The following RYR2 variants were observed in gnomAD, a reference collection of about 807,000 sequenced individuals.
RYR2 encodes cardiac muscle ryanodine receptor-calcium release channel.
A neutral mutation model predicts 601.1 loss-of-function variants in RYR2; 227 were observed. That is an observed-to-expected ratio of 0.38 (90% confidence interval 0.34 to 0.42). The LOEUF (loss-of-function observed/expected upper bound fraction) is 0.42, where lower values mean the gene tolerates loss of function less well. Ranked by LOEUF, RYR2 falls within the 10% of genes least tolerant of loss-of-function variation. RYR2 has a pLI of 1.00. For missense variants in RYR2, 4,646 were observed against 6,156.5 expected, an observed-to-expected ratio of 0.75 and a Z score of 8.21; for synonymous variants, 2,223 against 2,175.1, an observed-to-expected ratio of 1.02 and a Z score of -0.61.
chr1:237,203,494 G>A (rs1223144294), intron 1 of RYR2, among the ~76,000 whole-genome samples: 1 of 152,064 alleles, frequency 6.6e-6, no homozygotes, highest in East Asian at 1.9e-4. Context: ...CAAACTAAAT[G>A]AAATCTTTAA....
chr1:237,550,109 T>G (rs916387893), intron 26 of RYR2, among the ~76,000 whole-genome samples: 2 of 152,172 alleles, frequency 1.3e-5, no homozygotes, highest in South Asian at 2.1e-4. Context: ...CACGCTGGAA[T>G]TTTTTGAAGA....
intron 48 of RYR2, among the ~76,000 whole-genome samples, chr1:237,646,964 C>T (rs1682227627): frequency 6.6e-6 from 1 of 152,168 alleles, no homozygotes; most frequent in Non-Finnish European, 1.5e-5. Context: ...TCATTAGAAA[C>T]AATGTCTGCT....
At chr1:237,785,606 G>A (rs1048754506) in intron 90 of RYR2, among the ~76,000 whole-genome samples, 1 of 152,202 alleles carries the variant, frequency 6.6e-6, no homozygotes, top group Non-Finnish European at 1.5e-5. Flanking sequence ...TTGAGAAAAT[G>A]GCAATGCCGC....
At chr1:237,632,991 T>C (rs1051348046) in intron 42 of RYR2, among the ~76,000 whole-genome samples, 6 of 152,092 alleles carry the variant, frequency 3.9e-5, no homozygotes, top group African/African-American at 1.4e-4. Flanking sequence ...ATATTTGGTC[T>C]CAAGGAAGAT....
intron 1 of RYR2, among the ~76,000 whole-genome samples, chr1:237,263,784 C>A (rs952198675): frequency 1.3e-5 from 2 of 152,070 alleles, no homozygotes; most frequent in African/African-American, 4.8e-5. Flanking sequence ...TTCCTGTGAG[C>A]CAGCATTCTT....
At chr1:237,660,409 C>T (rs1233823731) in intron 55 of RYR2, among the ~76,000 whole-genome samples, 1 of 151,884 alleles carries the variant, frequency 6.6e-6, no homozygotes, top group Non-Finnish European at 1.5e-5. Flanking sequence ...TAATAATGTG[C>T]TTATTATGTA....
rs759873736 is a variant in RYR2, at chr1:237,377,451, AG to A, written c.576+18del. ...AAGGTACTTGGTAAGTGTGGAAAGT[AG>A]GATCATGTATCTGCTGATATGCTAA... On this transcript the variant is annotated intron_variant, in intron 8 of 104. Coordinates refer to ENST00000366574, the MANE Select transcript of RYR2 (RefSeq NM_001035.3). 7 of 1,567,058 alleles carry A rather than the reference AG, an allele frequency of 4.5e-6. No homozygotes were observed. Among genetic ancestry groups the A allele is most frequent in the Admixed American group, 3.3e-5 (2 of 59,818 alleles).
chr1:237,414,035 A>G (rs1704694842), intron 10 of RYR2, among the ~76,000 whole-genome samples: 1 of 152,040 alleles, frequency 6.6e-6, no homozygotes, highest in South Asian at 2.1e-4. Context: ...ATTTGTTTCT[A>G]ATTTTTTTGT....
chr1:237,434,625 TG>T (rs1359387316), intron 12 of RYR2, among the ~76,000 whole-genome samples: 1 of 152,186 alleles, frequency 6.6e-6, no homozygotes, highest in East Asian at 1.9e-4. Context: ...TAGCTTAAAA[TG>T]CCACTGAAAC....
At position 237,522,399 on chromosome 1, in the gene RYR2, C is replaced by T. The variant is rs147327332; in HGVS notation, c.2823-8028C>T. On this transcript the variant is annotated intron_variant, in intron 24 of 104. Transcript: ENST00000366574. ...GAGCTGTCCTAGGCCGCATGTAGCC[C>T]GCAGGCTGCGTGTTGGACAAGCTTG... Among the ~76,000 whole-genome samples the T allele has an allele frequency of 9.8e-5, 15 of 152,324 alleles. No homozygotes were observed. The East Asian group carries it at 2.7e-3, about 27-fold the overall frequency.
chr1:237,545,768 A>T (rs902546627), intron 25 of RYR2, among the ~76,000 whole-genome samples: 2 of 150,668 alleles, frequency 1.3e-5, no homozygotes, highest in Admixed American at 1.3e-4. Context: ...AAAAAAAAAA[A>T]TACTTTCCAG....
chr1:237,269,973 C>T (rs567376067), intron 1 of RYR2, among the ~76,000 whole-genome samples: 1 of 152,294 alleles, frequency 6.6e-6, no homozygotes, highest in East Asian at 1.9e-4. Flanking sequence ...CTGATATGAT[C>T]AAGCAACTAA....
At position 237,506,701 on chromosome 1, in the gene RYR2, A is replaced by G; in HGVS notation, c.2614-9A>G. On this transcript the variant is annotated splice_polypyrimidine_tract_variant and intron_variant, in intron 22 of 104. Coordinates refer to ENST00000366574, the MANE Select transcript of RYR2 (RefSeq NM_001035.3). Reference sequence around the variant, plus strand: ...TCTGATGTGTCTTTTTTCTTTTTGTAAATTTTAGATCGTGTTGCCTCCTCA... The same window carrying G: ...TCTGATGTGTCTTTTTTCTTTTTGTGAATTTTAGATCGTGTTGCCTCCTCA... 1 of 1,599,350 alleles carries G rather than the reference A, an allele frequency of 6.3e-7. No homozygotes were observed. The highest frequency in any genetic ancestry group is 8.5e-7 in the Non-Finnish European group (1 of 1,172,690).
intron 1 of RYR2, among the ~76,000 whole-genome samples, chr1:237,045,178 A>G (rs1397144184): frequency 1.3e-5 from 2 of 152,146 alleles, no homozygotes; most frequent in Admixed American, 6.5e-5. Context: ...GTCATTGTCT[A>G]TTGGATTTGT....
intron 14 of RYR2, among the ~76,000 whole-genome samples, chr1:237,448,284 C>A (rs1436117248): frequency 6.6e-6 from 1 of 152,070 alleles, no homozygotes; most frequent in Non-Finnish European, 1.5e-5. Flanking sequence ...TAGATTTTTT[C>A]AGTTTCCAAA....
intron 17 of RYR2, among the ~76,000 whole-genome samples, chr1:237,487,341 T>C (rs759781723): frequency 6.6e-6 from 1 of 152,128 alleles, no homozygotes; most frequent in Non-Finnish European, 1.5e-5. Context: ...ATGGACTCTT[T>C]GGTGTTTCTC....
At chr1:237,315,009 T>C (rs1694971068) in intron 2 of RYR2, among the ~76,000 whole-genome samples, 1 of 152,210 alleles carries the variant, frequency 6.6e-6, no homozygotes, top group Admixed American at 6.5e-5. Context: ...CATTAGGTTC[T>C]ATTATGGTAT....
intron 87 of RYR2, among the ~76,000 whole-genome samples, chr1:237,775,060 T>C (rs948193976): frequency 2.9e-5 from 4 of 136,406 alleles, no homozygotes; most frequent in African/African-American, 1.1e-4. Flanking sequence ...TTATTGTGCT[T>C]GGTTCAATAA....
chr1:237,633,760 T>C, intron 43 of RYR2, 50 bp downstream of exon 43: 1 of 1,522,570 alleles, frequency 6.6e-7, no homozygotes, highest in Non-Finnish European at 8.9e-7. Flanking sequence ...AATATAATAT[T>C]ACATTTAAAA....
Sources: gnomAD v4.1 joint callset for allele counts (sites outside exome capture counted in the v4.1 genomes callset) on GRCh38, gnomAD v4.1.1 for gene constraint, MANE v1.5 for transcripts, NCBI Gene and HGNC (gene_info 2026-07-23, HGNC 2026-07-21) for gene names.